Variants in RABGAP1L observed in about 807,000 individuals in gnomAD.
RABGAP1L encodes the protein RAB GTPase activating protein 1 like, also known as rab GTPase-activating protein 1-like.
RABGAP1L carries 63 observed loss-of-function variants against 137.7 expected under a neutral mutation model. The ratio of observed to expected loss-of-function variants is 0.46; its 90% confidence interval spans 0.37 to 0.56. RABGAP1L has a LOEUF of 0.56. RABGAP1L is among the 20% of genes least tolerant of loss of function. The pLI is 0.00. For synonymous variants in RABGAP1L, 431 were observed against 433.7 expected (o/e 0.99, Z 0.08); for missense variants, 1,095 against 1,244.0 (o/e 0.88, Z 1.80).
At chr1:174,537,777 C>A (rs944574847) in intron 13 of RABGAP1L, among the ~76,000 whole-genome samples, 2 of 152,148 alleles carry the variant, frequency 1.3e-5, no homozygotes, top group Non-Finnish European at 2.9e-5. Flanking sequence ...GTATCAAGAT[C>A]TTTTAAAGAA....
At chr1:174,325,944 C>T (rs983797022) in intron 11 of RABGAP1L, among the ~76,000 whole-genome samples, 1 of 152,246 alleles carries the variant, frequency 6.6e-6, no homozygotes, top group African/African-American at 2.4e-5. Context: ...CCTTCAGGGA[C>T]CTTCCGTGGG....
intron 1 of RABGAP1L, among the ~76,000 whole-genome samples, chr1:174,215,576 A>G (rs1669238465): frequency 6.6e-6 from 1 of 152,238 alleles, no homozygotes; most frequent in South Asian, 2.1e-4. Flanking sequence ...AAAGGTGCTT[A>G]GCAACACTGA....
At chr1:174,317,358 G>A (rs1434330787) in intron 11 of RABGAP1L, among the ~76,000 whole-genome samples, 2 of 152,088 alleles carry the variant, frequency 1.3e-5, no homozygotes, top group South Asian at 4.1e-4. Flanking sequence ...CAGATAGCAG[G>A]TGATGAACGC....
intron 13 of RABGAP1L, among the ~76,000 whole-genome samples, chr1:174,586,049 A>T (rs999960839): frequency 6.6e-6 from 1 of 152,224 alleles, no homozygotes; most frequent in Admixed American, 6.5e-5. Context: ...AATATAAATC[A>T]TTCTATTAAA....
Position 174,486,231 on chromosome 1 carries a change from T to C in RABGAP1L, c.1710+92086T>C, listed in dbSNP as rs1452632076. 1.1e-4 allele frequency among the ~76,000 whole-genome samples: 16 copies of C among 149,784 alleles called. No homozygotes were observed. In the East Asian group the frequency reaches 1.7e-3, roughly 16 times the overall value. ...TTATTTGGTTCTTTTTTCTTTTTTT[T>C]TTTTTTTTGTCTGGCTAAATGTTTG... On this transcript the variant is annotated intron_variant, in intron 13 of 25. Transcript: ENST00000681986.
chr1:174,850,353 G>A (rs1392400514), intron 19 of RABGAP1L, among the ~76,000 whole-genome samples: 1 of 152,106 alleles, frequency 6.6e-6, no homozygotes, highest in Non-Finnish European at 1.5e-5. Flanking sequence ...TAATAAATGT[G>A]GATATCTCTG....
chr1:174,612,072 G>T (rs1244264229), intron 13 of RABGAP1L, among the ~76,000 whole-genome samples: 2 of 152,116 alleles, frequency 1.3e-5, no homozygotes, highest in Non-Finnish European at 2.9e-5. Context: ...AATTGCCCTG[G>T]CCAGAACTTC....
At chr1:174,418,871 T>G (rs1650920317) in intron 13 of RABGAP1L, among the ~76,000 whole-genome samples, 1 of 152,086 alleles carries the variant, frequency 6.6e-6, no homozygotes, top group Non-Finnish European at 1.5e-5. Flanking sequence ...AAACCCTGTC[T>G]CTACGAAAAT....
intron 13 of RABGAP1L, among the ~76,000 whole-genome samples, chr1:174,603,488 C>T (rs1016401263): frequency 2.6e-5 from 4 of 152,160 alleles, no homozygotes; most frequent in African/African-American, 9.7e-5. Flanking sequence ...AAGGCCAGAA[C>T]TGCCATTCGG....
At chr1:174,176,713 GA>G (rs71563251) in intron 1 of RABGAP1L, among the ~76,000 whole-genome samples, 880 of 21,544 alleles carry the variant, frequency 0.041, 46 homozygotes, top group African/African-American at 0.1. Flanking sequence ...CCCTTTTTCA[GA>G]AAAAAAAAAA....
At chr1:174,197,551 T>G (rs1667784263) in intron 1 of RABGAP1L, among the ~76,000 whole-genome samples, 1 of 152,158 alleles carries the variant, frequency 6.6e-6, no homozygotes, top group South Asian at 2.1e-4. Flanking sequence ...GATTCTCTGT[T>G]TCTTAAGCGT....
At chr1:174,489,977 A>G (rs909521405) in intron 13 of RABGAP1L, among the ~76,000 whole-genome samples, 1 of 152,024 alleles carries the variant, frequency 6.6e-6, no homozygotes, top group Non-Finnish European at 1.5e-5. Flanking sequence ...AGAATTTTGA[A>G]TTCCTTCTCT....
intron 21 of RABGAP1L, among the ~76,000 whole-genome samples, chr1:174,970,224 CG>C (rs1286295307): frequency 6.6e-6 from 1 of 152,076 alleles, no homozygotes. Flanking sequence ...AGAAGGTAGC[CG>C]GATCTCCATT....
intron 13 of RABGAP1L, among the ~76,000 whole-genome samples, chr1:174,550,553 T>C (rs1021580061): frequency 2.0e-5 from 3 of 152,076 alleles, no homozygotes. Context: ...TCATTAAAAA[T>C]TCAATGGACA....
At chr1:174,284,497 C>T (rs528636997) in intron 10 of RABGAP1L, among the ~76,000 whole-genome samples, 1 of 152,258 alleles carries the variant, frequency 6.6e-6, no homozygotes, top group South Asian at 2.1e-4. Context: ...CATTGACAGA[C>T]ATGTTTCCAT....
At chr1:174,931,989 G>GTTTTTTTT (rs1558247691) in intron 19 of RABGAP1L, among the ~76,000 whole-genome samples, 5 of 94,180 alleles carry the variant, frequency 5.3e-5, no homozygotes, top group Non-Finnish European at 1.1e-4. Flanking sequence ...CTGCTTTTTT[G>GTTTTTTTT]GTTTTTTTTT....
intron 13 of RABGAP1L, among the ~76,000 whole-genome samples, chr1:174,599,150 A>T (rs1670225682): frequency 6.6e-6 from 1 of 152,192 alleles, no homozygotes; most frequent in Non-Finnish European, 1.5e-5. Context: ...ACATTTTGTA[A>T]CCAATCATTT....
chr1:174,373,377 G>A (rs1254698728), intron 12 of RABGAP1L, among the ~76,000 whole-genome samples: 2 of 152,204 alleles, frequency 1.3e-5, no homozygotes, highest in South Asian at 4.1e-4. Flanking sequence ...ATTATGATTG[G>A]AGTAACCCAA....
intron 19 of RABGAP1L, among the ~76,000 whole-genome samples, chr1:174,900,314 C>G (rs995340196): frequency 2.0e-5 from 3 of 152,196 alleles, no homozygotes; most frequent in Non-Finnish European, 4.4e-5. Context: ...ACAGAATTTT[C>G]TGGAGTTTCA....
Sources: gnomAD v4.1 joint callset for allele counts (sites outside exome capture counted in the v4.1 genomes callset) on GRCh38, gnomAD v4.1.1 for gene constraint, MANE v1.5 for transcripts, NCBI Gene and HGNC (gene_info 2026-07-23, HGNC 2026-07-21) for gene names.